The following FBXO34 variants were observed in gnomAD, a reference collection of about 807,000 sequenced individuals.
FBXO34 encodes F-box only protein 34.
In FBXO34, 12 loss-of-function variants were observed where a neutral mutation model predicts 24.5. The observed-to-expected ratio is 0.49, with a 90% CI of 0.31 to 0.79. The LOEUF (loss-of-function observed/expected upper bound fraction) is 0.79. Among genes scored for constraint, FBXO34 ranks in the 30% least tolerant of loss-of-function variants. The pLI is 0.04. For synonymous variants in FBXO34, 320 were observed against 311.9 expected (o/e 1.03, Z -0.27); for missense variants, 823 against 857.7 (o/e 0.96, Z 0.51).
the FBXO34 span, chr14:55,414,426 C>T: frequency 1.2e-6 from 2 of 1,608,154 alleles, no homozygotes; most frequent in Non-Finnish European, 1.7e-6. Context: ...TTTTCAAATG[C>T]TTCATAGATC....
At chr14:55,292,801 A>G (rs540683989) in intron 1 of FBXO34, among the ~76,000 whole-genome samples, 12 of 152,322 alleles carry the variant, frequency 7.9e-5, no homozygotes, top group Non-Finnish European at 4.4e-5. Flanking sequence ...TAGACTCCCA[A>G]TAGCAATGTT....
downstream of FBXO34, among the ~76,000 whole-genome samples, chr14:55,373,086 C>T (rs1594775676): frequency 6.6e-6 from 1 of 152,264 alleles, no homozygotes; most frequent in East Asian, 1.9e-4. Context: ...GCCTGCCAGA[C>T]CCCAAGCTAG....
At chr14:55,357,777 C>T (rs1237102412), downstream of FBXO34, among the ~76,000 whole-genome samples, 1 of 152,200 alleles carries the variant, frequency 6.6e-6, no homozygotes, top group Non-Finnish European at 1.5e-5. Context: ...CATCACTGCA[C>T]TGCAGCTTGG....
intron 1 of FBXO34, among the ~76,000 whole-genome samples, chr14:55,324,989 A>AT (rs1883292858): frequency 6.6e-6 from 1 of 152,206 alleles, no homozygotes; most frequent in African/African-American, 2.4e-5. Context: ...TCTGGGTCTC[A>AT]TAAGGGCACT....
the FBXO34 span, chr14:55,411,927 C>CCCCCGGACCCCTCCGCCGCCGCGT: frequency 9.5e-7 from 1 of 1,049,284 alleles, no homozygotes; most frequent in Non-Finnish European, 1.4e-6. Flanking sequence ...TGCCGGCGAG[C>CCCCCGGACCCCTCCGCCGCCGCGT]CCCCGGACCC....
the FBXO34 span, chr14:55,395,001 G>C: frequency 2.2e-6 from 1 of 457,458 alleles, no homozygotes; most frequent in Non-Finnish European, 4.4e-6. Flanking sequence ...TTAGTTTCTT[G>C]TTTTCTGCAG....
chr14:55,301,632 A>T (rs1882360034), intron 1 of FBXO34, among the ~76,000 whole-genome samples: 1 of 152,110 alleles, frequency 6.6e-6, no homozygotes, highest in African/African-American at 2.4e-5. Flanking sequence ...CTTGAATGTT[A>T]ATTTCCTTTT....
At chr14:55,429,838 A>G in the FBXO34 span, among the ~76,000 whole-genome samples, 9 of 151,848 alleles carry the variant, frequency 5.9e-5, no homozygotes, top group Non-Finnish European at 1.2e-4. Context: ...AAAAAATCGC[A>G]TATAAGGAGG....
chr14:55,373,153 T>C (rs1884855416), downstream of FBXO34, among the ~76,000 whole-genome samples: 1 of 152,178 alleles, frequency 6.6e-6, no homozygotes, highest in Admixed American at 6.5e-5. Flanking sequence ...GCTTAATGTC[T>C]TTGGGGAATT....
the FBXO34 span, among the ~76,000 whole-genome samples, chr14:55,416,317 C>A: frequency 6.6e-6 from 1 of 152,084 alleles, no homozygotes; most frequent in Non-Finnish European, 1.5e-5. Context: ...TAAGGGCAGG[C>A]ATGGTGGCTC....
At chr14:55,380,875 A>ATATATATAT in the FBXO34 span, among the ~76,000 whole-genome samples, 202 of 112,702 alleles carry the variant, frequency 1.8e-3, 1 homozygote, top group African/African-American at 6.6e-3. Context: ...ATATATATAT[A>ATATATATAT]TTTTTTTTTT....
the FBXO34 span, among the ~76,000 whole-genome samples, chr14:55,425,226 A>G: frequency 6.6e-6 from 1 of 151,784 alleles, no homozygotes; most frequent in Admixed American, 6.6e-5. Flanking sequence ...CTGGAACATC[A>G]CTCTGTCTTA....
intron 1 of FBXO34, among the ~76,000 whole-genome samples, chr14:55,332,490 G>T (rs1349124670): frequency 1.3e-5 from 2 of 152,102 alleles, no homozygotes; most frequent in African/African-American, 4.8e-5. Flanking sequence ...TTTGCATCTG[G>T]GTAATGTTTA....
chr14:55,425,883 T>G, the FBXO34 span, among the ~76,000 whole-genome samples: 1 of 152,244 alleles, frequency 6.6e-6, no homozygotes, highest in Non-Finnish European at 1.5e-5. Flanking sequence ...GCTATATTGC[T>G]TGCCATTATC....
At chr14:55,335,799 G>T (rs1194649666) in intron 1 of FBXO34, among the ~76,000 whole-genome samples, 1 of 152,162 alleles carries the variant, frequency 6.6e-6, no homozygotes, top group African/African-American at 2.4e-5. Context: ...GAATTGTCCT[G>T]AAGATGAAAT....
chr14:55,391,770 G>A, the FBXO34 span, among the ~76,000 whole-genome samples: 3 of 152,166 alleles, frequency 2.0e-5, no homozygotes, highest in Admixed American at 6.5e-5. Context: ...TCCTACTGAC[G>A]TGCAGCTCCA....
At chr14:55,297,602 A>C (rs1008567258) in intron 1 of FBXO34, among the ~76,000 whole-genome samples, 1 of 152,234 alleles carries the variant, frequency 6.6e-6, no homozygotes, top group Admixed American at 6.5e-5. Flanking sequence ...CTCTATTGGA[A>C]ATTTTGATAG....
chr14:55,406,610 A>G, the FBXO34 span, among the ~76,000 whole-genome samples: 3 of 152,228 alleles, frequency 2.0e-5, no homozygotes, highest in African/African-American at 4.8e-5. Context: ...ACAGTGCCCA[A>G]TGAGAGCTCA....
intron 1 of FBXO34, among the ~76,000 whole-genome samples, chr14:55,342,387 A>T (rs565590897): frequency 6.6e-6 from 1 of 152,320 alleles, no homozygotes; most frequent in African/African-American, 2.4e-5. Context: ...AGTCCTCATA[A>T]GGCAAAATTA....
Sources: allele counts gnomAD v4.1 joint callset (sites outside exome capture counted in the v4.1 genomes callset), GRCh38; gene constraint gnomAD v4.1.1; transcripts MANE v1.5; gene names NCBI Gene and HGNC (gene_info 2026-07-23, HGNC 2026-07-21).